EXOSC7: variants seen among roughly 807,000 people sequenced by gnomAD.
EXOSC7 encodes the protein exosome complex component RRP42.
A neutral mutation model predicts 34.3 loss-of-function variants in EXOSC7; 25 were observed. That is an observed-to-expected ratio of 0.73 (90% CI 0.53 to 1.02). EXOSC7 has a LOEUF of 1.02. EXOSC7 is among the 50% of genes least tolerant of loss of function. EXOSC7 has a pLI of 0.00. For synonymous variants in EXOSC7, 130 were observed against 143.0 expected (o/e 0.91, Z 0.65); for missense variants, 370 against 368.5 (o/e 1.00, Z -0.03).
intron 4 of EXOSC7, among the ~76,000 whole-genome samples, chr3:44,998,347 A>G (rs1050325120): frequency 6.6e-6 from 1 of 151,892 alleles, no homozygotes; most frequent in Non-Finnish European, 1.5e-5. Context: ...TACGGGGATT[A>G]CAGGTGCAAA....
chr3:44,987,864 CAG>C (rs561686727), intron 1 of EXOSC7, among the ~76,000 whole-genome samples: 25 of 152,218 alleles, frequency 1.6e-4, no homozygotes, highest in African/African-American at 5.1e-4. Flanking sequence ...AAATAAGAAA[CAG>C]AGGAAGGTTA....
At chr3:44,995,262 C>T (rs1287537511) in intron 3 of EXOSC7, among the ~76,000 whole-genome samples, 7 of 152,178 alleles carry the variant, frequency 4.6e-5, no homozygotes, top group Non-Finnish European at 1.0e-4. Flanking sequence ...GGATTGCAGG[C>T]GTGAGCCACC....
intron 7 of EXOSC7, 118 bp downstream of exon 7, chr3:45,007,693 G>A: frequency 2.6e-6 from 3 of 1,175,834 alleles, no homozygotes; most frequent in Non-Finnish European, 3.5e-6. Context: ...CAAACTTGGA[G>A]ATTTGGGAAC....
chr3:44,998,999 A>G (rs1706802311), intron 4 of EXOSC7, among the ~76,000 whole-genome samples: 1 of 152,214 alleles, frequency 6.6e-6, no homozygotes, highest in Non-Finnish European at 1.5e-5. Context: ...AGAGAAAGTT[A>G]AGACACAAGT....
chr3:45,004,555 G>GTTTTTTTTTTTT (rs372215146), intron 5 of EXOSC7: 1 of 123,622 alleles, frequency 8.1e-6, no homozygotes, highest in Non-Finnish European at 1.7e-5. Flanking sequence ...CATGCCTGGC[G>GTTTTTTTTTTTT]TTTTTTTTTT....
intron 3 of EXOSC7, 28 bp from the exon 4 acceptor site, chr3:44,997,059 C>G (rs1280617684): frequency 6.2e-7 from 1 of 1,603,498 alleles, no homozygotes; most frequent in South Asian, 1.1e-5. Flanking sequence ...AAAGACTCAC[C>G]CAGTTTTTTT....
chr3:45,001,696 C>A, intron 5 of EXOSC7, 88 bp downstream of exon 5: 1 of 934,612 alleles, frequency 1.1e-6, no homozygotes, highest in Non-Finnish European at 1.8e-6. Context: ...TCTATTGTAG[C>A]TCATATGTGA....
intron 1 of EXOSC7, among the ~76,000 whole-genome samples, chr3:44,980,445 C>T (rs1276149350): frequency 6.6e-6 from 1 of 151,036 alleles, no homozygotes; most frequent in Non-Finnish European, 1.5e-5. Context: ...TAAATGTTAT[C>T]TCTATAGATG....
In EXOSC7 at chr3:44,998,247, G is replaced by A. The variant is rs969104764; in HGVS notation, c.420+995G>A. ...GATGGGGTTTCATCATGTTGGCCAG[G>A]CATGTCTGGAACTCCTGACCTCAAG... On this transcript the variant is annotated intron_variant, in intron 4 of 7. Coordinates refer to ENST00000265564, the MANE Select transcript of EXOSC7 (RefSeq NM_015004.4). 2.6e-5 allele frequency among the ~76,000 whole-genome samples: 4 copies of A among 151,902 alleles called. No homozygotes were observed. In the South Asian group the frequency reaches 8.3e-4, roughly 32 times the overall value.
At chr3:45,009,978 A>G (rs1707160256) in intron 7 of EXOSC7, among the ~76,000 whole-genome samples, 1 of 152,192 alleles carries the variant, frequency 6.6e-6, no homozygotes. Context: ...TGTTACAGTT[A>G]GGGGCCAGGG....
At chr3:44,983,662 C>T (rs957606277) in intron 1 of EXOSC7, among the ~76,000 whole-genome samples, 8 of 152,168 alleles carry the variant, frequency 5.3e-5, no homozygotes, top group Non-Finnish European at 1.2e-4. Flanking sequence ...GGAGGGGACA[C>T]CACTCCATGC....
intron 3 of EXOSC7, among the ~76,000 whole-genome samples, chr3:44,991,133 T>G (rs760099355): frequency 3.9e-5 from 6 of 152,268 alleles, no homozygotes; most frequent in Non-Finnish European, 8.8e-5. Flanking sequence ...TTTTACTTCA[T>G]GCAGCCTATG....
chr3:44,986,379 G>A (rs1226219446), intron 1 of EXOSC7, among the ~76,000 whole-genome samples: 1 of 152,220 alleles, frequency 6.6e-6, no homozygotes, highest in Non-Finnish European at 1.5e-5. Flanking sequence ...AGAGTATGGG[G>A]CCCGCCTAGC....
chr3:45,007,862 C>A (rs1247656220), intron 7 of EXOSC7, among the ~76,000 whole-genome samples: 2 of 152,180 alleles, frequency 1.3e-5, no homozygotes, highest in African/African-American at 2.4e-5. Flanking sequence ...GTTGGACTTT[C>A]ATAATGTAAA....
chr3:44,985,082 G>T (rs887713176), intron 1 of EXOSC7, among the ~76,000 whole-genome samples: 1 of 152,206 alleles, frequency 6.6e-6, no homozygotes, highest in Non-Finnish European at 1.5e-5. Flanking sequence ...TCTGGGCTGG[G>T]TATTCACTTT....
chr3:44,997,119 G>A lies in EXOSC7; in HGVS notation c.287G>A (p.Arg96Lys). 1 of 1,614,108 alleles carries A rather than the reference G, an allele frequency of 6.2e-7. No homozygotes were observed. The highest frequency in any genetic ancestry group is 8.5e-7 in the Non-Finnish European group (1 of 1,180,018). Residue 96 changes from arginine (R) to lysine (K), a missense_variant, in exon 4 of 8, where the codon AGA becomes AAA. Around this residue, in one of 3 missense-constraint regions of EXOSC7, gnomAD observed 255 missense variants for 246.4 expected, o/e 1.03. Coordinates refer to ENST00000265564, the MANE Select transcript of EXOSC7 (RefSeq NM_015004.4). ...AGTGCTACCCCTGAATTTGAAGGTA[G>A]AGGAGGTGATGACCTTGGCACCGAG... ...SASATPEFEG[R>K]GGDDLGTEIA...
chr3:44,989,299 T>G (rs1054420741), intron 2 of EXOSC7, 58 bp downstream of exon 2: 1 of 1,292,260 alleles, frequency 7.7e-7, no homozygotes, highest in Non-Finnish European at 1.1e-6. Context: ...CCCTAAGGAA[T>G]GAGCTGCTGA....
chr3:44,997,569 G>T (rs1052388145), intron 4 of EXOSC7, among the ~76,000 whole-genome samples: 3 of 152,158 alleles, frequency 2.0e-5, no homozygotes, highest in Admixed American at 6.5e-5. Flanking sequence ...AGAGTTCATG[G>T]GCAGAATTTA....
chr3:45,011,008 TTG>T lies in EXOSC7; in HGVS notation c.772-225_772-224del, dbSNP rs1234056671. Among the ~76,000 whole-genome samples the T allele has an allele frequency of 3.3e-5, 5 of 152,334 alleles. No individual in the cohort carries two copies. The South Asian group carries it at 1.0e-3, about 32-fold the overall frequency. Reference sequence around the variant, plus strand: ...TTTGTTGCCTGGTGGGGGCTGGTGTTTGTCTCTCTTTTTTATTTTTTTGATAT... The same window carrying T: ...TTTGTTGCCTGGTGGGGGCTGGTGTTTCTCTCTTTTTTATTTTTTTGATAT... On this transcript the variant is annotated intron_variant, in intron 7 of 7. Transcript: ENST00000265564.
Sources: allele counts gnomAD v4.1 joint callset (sites outside exome capture counted in the v4.1 genomes callset), GRCh38; gene constraint gnomAD v4.1.1; regional missense constraint gnomAD v4.1.1; transcripts MANE v1.5; gene names NCBI Gene and HGNC (gene_info 2026-07-23, HGNC 2026-07-21).